Variants in DIDO1 observed in about 807,000 individuals in gnomAD.
The protein encoded by DIDO1 is death-inducer obliterator 1.
In DIDO1, 16 loss-of-function variants were observed where a neutral mutation model predicts 99.4. That is an observed-to-expected ratio of 0.16 (90% CI 0.11 to 0.24). The LOEUF is 0.24. Ranked by LOEUF, DIDO1 falls within the 10% of genes least tolerant of loss-of-function variation. The pLI is 1.00. For missense variants in DIDO1, 2,996 were observed against 3,014.0 expected (o/e 0.99, Z 0.14); for synonymous variants, 1,366 against 1,239.1 (o/e 1.10, Z -2.15).
intron 6 of DIDO1, among the ~76,000 whole-genome samples, chr20:62,903,973 A>C (rs1339861428): frequency 6.6e-6 from 1 of 152,208 alleles, no homozygotes; most frequent in Non-Finnish European, 1.5e-5. Context: ...CCCAGGGCTG[A>C]GAGCCCCTCA....
At chr20:62,910,227 C>G (rs913845848) in intron 3 of DIDO1, among the ~76,000 whole-genome samples, 2 of 152,172 alleles carry the variant, frequency 1.3e-5, no homozygotes, top group Admixed American at 6.5e-5. Context: ...ATTTTAGGAG[C>G]AAACTCTAAG....
Position 62,880,755 on chromosome 20 carries a change from G to A in DIDO1, c.5201C>T (p.Ala1734Val), listed in dbSNP as rs2064186860. 6.2e-7 allele frequency: 1 copy of A among 1,612,742 alleles called. No individual in the cohort carries two copies. The highest frequency in any genetic ancestry group is 8.5e-7 in the Non-Finnish European group (1 of 1,179,910). Reference protein sequence around the residue: ...EPQARPGEGTAPLPPPGQKVG... With the variant: ...EPQARPGEGTVPLPPPGQKVG... ...TTTCTGTCCTGGTGGGGGGAGCGGG[G>A]CGGTGCCCTCGCCGGGTCTGGCCTG... Residue 1734 changes from alanine (A) to valine (V), a missense_variant, in exon 16 of 16, where the codon GCC becomes GTC. This residue lies in a region of DIDO1 where 1,562 missense variants were observed against 1,412.6 expected (regional missense o/e 1.11). Transcript: ENST00000395343.
chr20:62,897,309 A>C (rs2064558511), intron 6 of DIDO1, among the ~76,000 whole-genome samples: 1 of 152,234 alleles, frequency 6.6e-6, no homozygotes. Context: ...TTCAAAGCTG[A>C]AGGACAATTT....
At chr20:62,882,914 CCTTTT>C (rs1366755619) in intron 15 of DIDO1, among the ~76,000 whole-genome samples, 1 of 113,786 alleles carries the variant, frequency 8.8e-6, no homozygotes, top group African/African-American at 3.2e-5. Flanking sequence ...TAACAAACAG[CCTTTT>C]TTTTTTTTTT....
chr20:62,921,208 T>G (rs886430565), intron 1 of DIDO1, among the ~76,000 whole-genome samples: 1 of 152,356 alleles, frequency 6.6e-6, no homozygotes, highest in South Asian at 2.1e-4. Context: ...TTTCCAATTT[T>G]AAATAGAAGG....
At chr20:62,901,819 A>G (rs2064689415) in intron 6 of DIDO1, among the ~76,000 whole-genome samples, 1 of 74,578 alleles carries the variant, frequency 1.3e-5, no homozygotes. Flanking sequence ...TGTTAACAGA[A>G]AAAAAAAAAA....
At chr20:62,928,371 C>T (rs1450617769), upstream of DIDO1, among the ~76,000 whole-genome samples, 1 of 152,164 alleles carries the variant, frequency 6.6e-6, no homozygotes, top group Non-Finnish European at 1.5e-5. Flanking sequence ...GCCTTCCTTC[C>T]TGCAAGTCCA....
chr20:62,879,007 A>T lies in DIDO1; in HGVS notation c.*226T>A, dbSNP rs977815028. 2.6e-5 allele frequency: 12 copies of T among 453,552 alleles called. No homozygotes were observed. Among genetic ancestry groups the T allele is most frequent in the Middle Eastern group, 5.7e-4 (1 of 1,766 alleles). The allele number at this position is 453,552 out of a possible 1,614,324, so 28.1% of individuals were successfully genotyped here. On this transcript the variant is annotated 3_prime_UTR_variant, in exon 16 of 16. Coordinates refer to ENST00000395343, the MANE Select transcript of DIDO1 (RefSeq NM_001193369.2). The surrounding 1 kb of genome is among the most constrained non-coding windows in gnomAD (Gnocchi z 6.3). ...CAATATGCTCCGTAGGCAATTTCCC[A>T]TTTCTTTTAATTTTAAATGGAAATA...
chr20:62,914,084 T>C (rs180919461), intron 2 of DIDO1, 126 bp downstream of exon 2: 221 of 152,384 alleles, frequency 1.5e-3, no homozygotes, highest in African/African-American at 4.9e-3. Context: ...AATGGCTGAA[T>C]GTATTTCAAA....
Position 62,907,063 on chromosome 20 carries a change from A to T in DIDO1, c.1374+84T>A, listed in dbSNP as rs1433315917. 21 of 1,444,912 alleles carry T rather than the reference A, an allele frequency of 1.5e-5. No individual in the cohort carries two copies. In the East Asian group the frequency reaches 4.5e-4, roughly 31 times the overall value. 89.5% of individuals were successfully genotyped at this position (1,444,912 alleles called of 1,614,324 possible). ...GCCCCCCTACACCTGCCACCCCCAC[A>T]CGGTCTACAAACCAACAGTTCTGCG... On this transcript the variant is annotated intron_variant, in intron 5 of 15. Coordinates refer to ENST00000395343, the MANE Select transcript of DIDO1 (RefSeq NM_001193369.2).
Position 62,879,468 on chromosome 20 carries a change from G to A in DIDO1, c.6488C>T (p.Ala2163Val), listed in dbSNP as rs779175979. The change falls in exon 16 of 16, where the codon GCC becomes GTC. Residue 2163 changes from alanine to valine, a missense_variant. Physicochemically the swap from Ala to Val is moderately conservative, Grantham distance 64. Around this residue, in one of 5 missense-constraint regions of DIDO1, gnomAD observed 1,562 missense variants for 1,412.6 expected, o/e 1.11. Coordinates refer to ENST00000395343, the MANE Select transcript of DIDO1 (RefSeq NM_001193369.2). The surrounding 1 kb of genome is among the most constrained non-coding windows in gnomAD (Gnocchi z 6.3). ...GCGGTCCCACTCCTTGCCCCGGTCG[G>A]CCTCGCGCTCTCGGTCGCGGTTGGC... ...RSANRDRERE[A>V]DRGKEWDRSR... 1 of 1,571,492 alleles carries A rather than the reference G, an allele frequency of 6.4e-7. No individual in the cohort carries two copies. The highest frequency in any genetic ancestry group is 8.6e-7 in the Non-Finnish European group (1 of 1,165,616).
intron 3 of DIDO1, among the ~76,000 whole-genome samples, chr20:62,910,338 C>T (rs1568868854): frequency 6.6e-6 from 1 of 152,242 alleles, no homozygotes; most frequent in African/African-American, 2.4e-5. Context: ...GTCTGACACC[C>T]AGTCCTAGCA....
rs113368398 is a variant in DIDO1 at position 62,911,705 on chromosome 20, C to T, written c.-2-91G>A. ...AACACGCGCAGCAGGGGCCACCTCC[C>T]TACAAACAGTGGAGCTCTACATAAA... On this transcript the variant is annotated intron_variant, in intron 2 of 15. Transcript: ENST00000395343. The surrounding 1 kb of genome is among the most constrained non-coding windows in gnomAD (Gnocchi z 7.0). The T allele has an allele frequency of 5.1e-6, 6 of 1,175,368 alleles. No individual in the cohort carries two copies. The highest frequency in any genetic ancestry group is 4.6e-5 in the African/African-American group (3 of 64,648). 72.8% of individuals were successfully genotyped at this position (1,175,368 alleles called of 1,614,324 possible).
chr20:62,910,846 C>G lies in DIDO1; in HGVS notation c.767G>C (p.Arg256Pro), dbSNP rs540007226. ...GTAACCCTCACATTCAGGCTTCGGT[C>G]GGCCCAAGTCTCCAGGCTCCTCATC... is the stretch of plus-strand genomic sequence containing the variant. Reference protein sequence around the residue: ...IKDEEPGDLGRPKPECEGYDP... With the variant: ...IKDEEPGDLGPPKPECEGYDP... Residue 256 changes from arginine to proline, a missense_variant, in exon 3 of 16, where the codon CGA (arginine) becomes CCA (proline). Arg to Pro is a moderately radical substitution (Grantham distance 103). Transcript: ENST00000395343. The G allele has an allele frequency of 6.2e-7, 1 of 1,614,014 alleles. No homozygotes were observed. The highest frequency in any genetic ancestry group is 1.1e-5 in the South Asian group (1 of 91,070).
intron 1 of DIDO1, among the ~76,000 whole-genome samples, chr20:62,919,336 T>G (rs1335953950): frequency 2.6e-5 from 4 of 152,076 alleles, no homozygotes; most frequent in Non-Finnish European, 4.4e-5. Context: ...GTCAGGAGTT[T>G]GAGACCAGCC....
chr20:62,886,039 A>AAGGTGC (rs1440775146), intron 15 of DIDO1, among the ~76,000 whole-genome samples: 1 of 152,222 alleles, frequency 6.6e-6, no homozygotes, highest in African/African-American at 2.4e-5. Context: ...GTGCCCCGGG[A>AAGGTGC]AGGTGCAGAG....
chr20:62,906,051 T>C lies in DIDO1; in HGVS notation c.1424A>G (p.Lys475Arg), dbSNP rs758259436. The C allele has an allele frequency of 1.9e-6, 3 of 1,613,680 alleles. No individual in the cohort carries two copies. In the Admixed American group the frequency reaches 5.0e-5, roughly 27 times the overall value. ...SVHKRPAPEK[K>R]ETTVKKAVVV... The stretch of plus-strand genomic sequence containing the variant: ...CACTGCCTTCTTCACTGTGGTCTCT[T>C]TTTTTTCTGGAGCTGGTCTCTTGTG... Residue 475 changes from lysine to arginine, a missense_variant, in exon 6 of 16, where the codon AAA (lysine) becomes AGA (arginine). Physicochemically the swap from Lys to Arg is conservative, Grantham distance 26 (BLOSUM62 2). Transcript: ENST00000395343.
intron 1 of DIDO1, among the ~76,000 whole-genome samples, chr20:62,921,892 TATATATATATCCACA>T (rs945125573): frequency 2.7e-5 from 4 of 149,366 alleles, no homozygotes; most frequent in Non-Finnish European, 5.9e-5. Flanking sequence ...ATATACACAC[TATATATATATCCACA>T]ATATATATAC....
At chr20:62,883,838 C>T (rs2064252362) in intron 15 of DIDO1, among the ~76,000 whole-genome samples, 1 of 150,182 alleles carries the variant, frequency 6.7e-6, no homozygotes, top group African/African-American at 2.4e-5. Context: ...AAAAACAAAA[C>T]AAAACAAAAA....
Sources: gnomAD v4.1 joint callset for allele counts (sites outside exome capture counted in the v4.1 genomes callset) on GRCh38, gnomAD v4.1.1 for gene constraint, gnomAD v4.1.1 regional missense constraint, Gnocchi (gnomAD v3.1) non-coding constraint, MANE v1.5 for transcripts, NCBI Gene and HGNC (gene_info 2026-07-23, HGNC 2026-07-21) for gene names.